Variants in KCNH5 observed in about 807,000 individuals in gnomAD.
KCNH5 encodes voltage-gated delayed rectifier potassium channel KCNH5.
Under a neutral mutation model 96.1 loss-of-function variants are expected in KCNH5, and 46 were observed. That is an observed-to-expected ratio of 0.48 (90% CI 0.38 to 0.61). The LOEUF (loss-of-function observed/expected upper bound fraction) is 0.61. Ranked by LOEUF, KCNH5 falls within the 20% of genes least tolerant of loss-of-function variation. The probability of loss-of-function intolerance (pLI) is 0.00; values close to 1 mark genes in which losing one functional copy is unlikely to be tolerated. For synonymous variants in KCNH5, 439 were observed against 449.8 expected (o/e 0.98, Z 0.30); for missense variants, 907 against 1,225.8 (o/e 0.74, Z 3.88).
intron 7 of KCNH5, among the ~76,000 whole-genome samples, chr14:62,855,132 C>G (rs762688907): frequency 6.6e-6 from 1 of 151,848 alleles, no homozygotes; most frequent in African/African-American, 2.4e-5. Flanking sequence ...TCTGGAGAGG[C>G]CCACATAGAG....
chr14:62,978,457 G>T (rs2139565310), intron 6 of KCNH5, among the ~76,000 whole-genome samples: 1 of 152,022 alleles, frequency 6.6e-6, no homozygotes. Flanking sequence ...TAGTGTGGCG[G>T]GCACCAGTAG....
intron 10 of KCNH5, among the ~76,000 whole-genome samples, chr14:62,711,495 T>C (rs898399034): frequency 5.3e-5 from 8 of 152,168 alleles, no homozygotes; most frequent in African/African-American, 1.9e-4. Flanking sequence ...TTCCCCCTTT[T>C]TACGCCCGGG....
At chr14:62,772,167 T>A (rs1309398677) in intron 10 of KCNH5, among the ~76,000 whole-genome samples, 1 of 152,136 alleles carries the variant, frequency 6.6e-6, no homozygotes, top group African/African-American at 2.4e-5. Context: ...TCCAGTTCTA[T>A]ATGAAAATAT....
chr14:62,938,653 G>C (rs1392804057), intron 7 of KCNH5, among the ~76,000 whole-genome samples: 2 of 152,118 alleles, frequency 1.3e-5, no homozygotes, highest in Admixed American at 6.5e-5. Flanking sequence ...ACATATGTGA[G>C]AATCATCTAC....
chr14:62,980,933 A>G lies in KCNH5; in HGVS notation c.881T>C (p.Val294Ala). The G allele has an allele frequency of 1.9e-6, 3 of 1,614,134 alleles. No individual in the cohort carries two copies. Among genetic ancestry groups the G allele is most frequent in the Non-Finnish European group, 2.5e-6 (3 of 1,180,006 alleles). The change falls in exon 6 of 11, where the codon GTG becomes GCG. Residue 294 changes from valine to alanine, a missense_variant. Coordinates refer to ENST00000322893, the MANE Select transcript of KCNH5 (RefSeq NM_139318.5). ...IRMNYLKTWF[V>A]IDLLSCLPYD... Reference sequence around the variant, plus strand: ...AGGTAAACAAGACAGCAGATCGATCACAAACCAAGTTTTCAGATAGTTCAT... The same window carrying G: ...AGGTAAACAAGACAGCAGATCGATCGCAAACCAAGTTTTCAGATAGTTCAT...
At chr14:62,915,121 C>T (rs750076844) in intron 7 of KCNH5, among the ~76,000 whole-genome samples, 2 of 152,210 alleles carry the variant, frequency 1.3e-5, no homozygotes, top group Non-Finnish European at 2.9e-5. Context: ...TCACATATGC[C>T]TAACTGGCTT....
rs141160972 is a variant in KCNH5, at chr14:62,707,603, G to A, written c.2872C>T (p.Pro958Ser). ...GGTATCTGGGGGGGTACTTGGAGTGGCATTTGGGATTTGGGAGATGAGGCC... is the reference window on the plus strand; with the variant it reads ...GGTATCTGGGGGGGTACTTGGAGTGACATTTGGGATTTGGGAGATGAGGCC... ...PQASSPKSQM[P>S]LQVPPQIPCQ... Residue 958 changes from proline to serine, a missense_variant, in exon 11 of 11, where the codon CCA becomes TCA. This residue lies in a region of KCNH5 where 362 missense variants were observed against 394.4 expected (regional missense o/e 0.92). Coordinates refer to ENST00000322893, the MANE Select transcript of KCNH5 (RefSeq NM_139318.5). 60 of 1,541,346 alleles carry A rather than the reference G, an allele frequency of 3.9e-5. No individual in the cohort carries two copies. Among genetic ancestry groups the A allele is most frequent in the Middle Eastern group, 1.7e-4 (1 of 5,738 alleles).
chr14:62,821,575 C>T (rs747345538), intron 8 of KCNH5, among the ~76,000 whole-genome samples: 1 of 151,896 alleles, frequency 6.6e-6, no homozygotes, highest in Non-Finnish European at 1.5e-5. Context: ...GGCAATAAGC[C>T]CTAACTTGAA....
At chr14:62,990,518 T>A (rs1226579550) in intron 4 of KCNH5, among the ~76,000 whole-genome samples, 2 of 151,940 alleles carry the variant, frequency 1.3e-5, no homozygotes, top group African/African-American at 4.8e-5. Flanking sequence ...TGCATTTTTC[T>A]CCATGAATAA....
intron 8 of KCNH5, among the ~76,000 whole-genome samples, chr14:62,846,241 C>T (rs1393184937): frequency 6.6e-6 from 1 of 151,982 alleles, no homozygotes; most frequent in African/African-American, 2.4e-5. Context: ...TTACTTATGT[C>T]CTCAGATCGT....
At chr14:62,792,725 T>C (rs1886459445) in intron 9 of KCNH5, among the ~76,000 whole-genome samples, 1 of 151,600 alleles carries the variant, frequency 6.6e-6, no homozygotes, top group Admixed American at 6.6e-5. Context: ...TTCTACCTCA[T>C]TCAATTAACG....
At chr14:63,021,359 T>C (rs372613431) in intron 1 of KCNH5, among the ~76,000 whole-genome samples, 17 of 152,268 alleles carry the variant, frequency 1.1e-4, no homozygotes, top group African/African-American at 4.1e-4. Flanking sequence ...ACAAACATGT[T>C]TCCCATTGTT....
At chr14:62,824,944 GT>G (rs571751754) in intron 8 of KCNH5, among the ~76,000 whole-genome samples, 4 of 151,682 alleles carry the variant, frequency 2.6e-5, no homozygotes, top group African/African-American at 4.8e-5. Flanking sequence ...CGATTTCATT[GT>G]TTTTTTTATG....
At chr14:62,909,857 A>G (rs978495603) in intron 7 of KCNH5, among the ~76,000 whole-genome samples, 61 of 151,952 alleles carry the variant, frequency 4.0e-4, no homozygotes, top group African/African-American at 1.4e-3. Flanking sequence ...TGCTCCTTAT[A>G]TGCTTTGCTC....
At chr14:62,833,405 C>T (rs1364291620) in intron 8 of KCNH5, among the ~76,000 whole-genome samples, 2 of 151,962 alleles carry the variant, frequency 1.3e-5, no homozygotes, top group Non-Finnish European at 2.9e-5. Context: ...TATCCTTTCC[C>T]CACTATGTAC....
At chr14:62,993,386 C>T (rs2139582086) in intron 4 of KCNH5, among the ~76,000 whole-genome samples, 1 of 152,048 alleles carries the variant, frequency 6.6e-6, no homozygotes, top group Middle Eastern at 3.4e-3. Context: ...GGCATTGAAT[C>T]TGTAGATTGC....
intron 8 of KCNH5, among the ~76,000 whole-genome samples, chr14:62,820,387 C>T (rs1444203288): frequency 2.0e-5 from 3 of 149,232 alleles, no homozygotes; most frequent in South Asian, 2.1e-4. Flanking sequence ...CACTCTGTCA[C>T]CCAGGCTGGA....
At position 62,701,916 on chromosome 14, in the gene KCNH5, G is replaced by A. The variant is rs1884354271; in HGVS notation, c.*5592C>T. The A allele has an allele frequency of 6.6e-6, 1 of 151,936 alleles. No individual in the cohort carries two copies. Among genetic ancestry groups the A allele is most frequent in the Non-Finnish European group, 1.5e-5 (1 of 67,928 alleles). 9.4% of individuals were successfully genotyped at this position (151,936 alleles called of 1,614,324 possible). On this transcript the variant is annotated 3_prime_UTR_variant, in exon 11 of 11. Coordinates refer to ENST00000322893, the MANE Select transcript of KCNH5 (RefSeq NM_139318.5). Reference sequence around the variant, plus strand: ...TGGATAATGTATTTAATAGTGGTTTGGCCAAGAAGCCAACATCAGTGCAAT... The same window carrying A: ...TGGATAATGTATTTAATAGTGGTTTAGCCAAGAAGCCAACATCAGTGCAAT...
At chr14:62,808,908 T>A (rs936683755) in intron 8 of KCNH5, among the ~76,000 whole-genome samples, 1 of 152,084 alleles carries the variant, frequency 6.6e-6, no homozygotes, top group African/African-American at 2.4e-5. Context: ...CTCTAGCAGG[T>A]GTTCTTAAAC....
Sources: allele counts gnomAD v4.1 joint callset (sites outside exome capture counted in the v4.1 genomes callset), GRCh38; gene constraint gnomAD v4.1.1; regional missense constraint gnomAD v4.1.1; transcripts MANE v1.5; gene names NCBI Gene and HGNC (gene_info 2026-07-23, HGNC 2026-07-21).